The following PICALM variants were observed in gnomAD, a reference collection of about 807,000 sequenced individuals.
The protein encoded by PICALM is phosphatidylinositol-binding clathrin assembly protein.
PICALM carries 40 observed loss-of-function variants against 80.5 expected under a neutral mutation model. That is an observed-to-expected ratio of 0.50 (90% CI 0.39 to 0.65). The LOEUF (loss-of-function observed/expected upper bound fraction) is 0.65. PICALM is among the 30% of genes least tolerant of loss of function. The probability of loss-of-function intolerance (pLI) is 0.00; values close to 1 mark genes in which losing one functional copy is unlikely to be tolerated. For missense variants in PICALM, 676 were observed against 778.9 expected (o/e 0.87, Z 1.57); for synonymous variants, 288 against 260.3 (o/e 1.11, Z -1.02).
At chr11:86,031,059 A>G (rs1309601032) in intron 2 of PICALM, among the ~76,000 whole-genome samples, 1 of 152,214 alleles carries the variant, frequency 6.6e-6, no homozygotes, top group South Asian at 2.1e-4. Context: ...TTGAGGTAGC[A>G]GTGAGCTATG....
chr11:86,045,204 T>G (rs1455200374), intron 1 of PICALM, among the ~76,000 whole-genome samples: 1 of 152,138 alleles, frequency 6.6e-6, no homozygotes, highest in Non-Finnish European at 1.5e-5. Context: ...CCAGAGTTAT[T>G]TTTCCTAATA....
rs534097187 is a variant in PICALM, at chr11:85,965,856, G to A, written c.1945-6796C>T. Among the ~76,000 whole-genome samples the A allele has an allele frequency of 2.2e-4, 26 of 117,466 alleles. No homozygotes were observed. The South Asian group carries it at 4.0e-3, about 18-fold the overall frequency. 77.1% of individuals were successfully genotyped at this position (117,466 alleles called of 152,430 possible). A position where few individuals can be genotyped will look rare whatever the true frequency, so the allele number is the denominator to read the frequency against. ...TTTTTTTTGAGACAGACTCTCTGTC[G>A]CCCAGGCTGGAGTACAGTGGTGCGA... is the stretch of plus-strand genomic sequence containing the variant. On this transcript the variant is annotated intron_variant, in intron 19 of 19. Coordinates refer to ENST00000393346, the MANE Select transcript of PICALM (RefSeq NM_007166.4).
intron 12 of PICALM, 96 bp downstream of exon 12, chr11:85,996,730 G>C (rs1467948134): frequency 1.4e-6 from 1 of 737,530 alleles, no homozygotes; most frequent in South Asian, 1.7e-5. Flanking sequence ...AAGTTCTCAT[G>C]TATCAAGTGT....
At chr11:86,010,441 C>G (rs1290496743) in intron 7 of PICALM, among the ~76,000 whole-genome samples, 1 of 151,988 alleles carries the variant, frequency 6.6e-6, no homozygotes, top group Non-Finnish European at 1.5e-5. Context: ...ATTCTCCTGC[C>G]TCAGCCTCCT....
intron 11 of PICALM, among the ~76,000 whole-genome samples, chr11:85,998,090 A>G (rs1048534470): frequency 1.4e-5 from 2 of 145,984 alleles, no homozygotes; most frequent in Admixed American, 1.4e-4. Context: ...CTTACATGAT[A>G]TATTTCTACC....
At chr11:86,062,531 A>C (rs1375389304) in intron 1 of PICALM, among the ~76,000 whole-genome samples, 2 of 151,908 alleles carry the variant, frequency 1.3e-5, no homozygotes, top group Admixed American at 6.6e-5. Flanking sequence ...AAAAAAAAAA[A>C]CCCTAATGTA....
At chr11:86,020,321 A>C (rs1478356204) in intron 4 of PICALM, among the ~76,000 whole-genome samples, 2 of 151,652 alleles carry the variant, frequency 1.3e-5, no homozygotes, top group Admixed American at 1.3e-4. Context: ...ATTCAATGCA[A>C]TCCCCCACAA....
At chr11:86,062,246 G>T (rs867103591) in intron 1 of PICALM, among the ~76,000 whole-genome samples, 4 of 152,222 alleles carry the variant, frequency 2.6e-5, no homozygotes, top group Non-Finnish European at 5.9e-5. Flanking sequence ...GCCGGGCGCA[G>T]TGGCTCACGC....
At chr11:85,976,485 G>A in intron 18 of PICALM, 138 bp downstream of exon 18, 1 of 576,572 alleles carries the variant, frequency 1.7e-6, no homozygotes, top group South Asian at 2.2e-5. Flanking sequence ...TGAAACCAAT[G>A]CTATGGTTCT....
rs2093586984 is a variant in PICALM, at chr11:85,958,521, G to A, written c.*525C>T. 4.8e-6 allele frequency: 1 copy of A among 209,464 alleles called. No homozygotes were observed. Among genetic ancestry groups the A allele is most frequent in the South Asian group, 1.9e-4 (1 of 5,312 alleles). The allele number at this position is 209,464 out of a possible 1,614,324, so 13.0% of individuals were successfully genotyped here. A position where few individuals can be genotyped will look rare whatever the true frequency, so the allele number is the denominator to read the frequency against. On this transcript the variant is annotated 3_prime_UTR_variant, in exon 20 of 20. Transcript: ENST00000393346. Reference sequence around the variant, plus strand: ...AAATAAATACAAATACTTAAGGAATGTCTACTGCAAACTGAATATAATTTT... The same window carrying A: ...AAATAAATACAAATACTTAAGGAATATCTACTGCAAACTGAATATAATTTT...
chr11:86,009,805 T>C (rs2095360076), intron 7 of PICALM, among the ~76,000 whole-genome samples: 1 of 152,212 alleles, frequency 6.6e-6, no homozygotes, highest in South Asian at 2.1e-4. Flanking sequence ...AAGAATTTAC[T>C]AGAATCACAG....
chr11:86,001,517 G>T (rs2095144279), intron 9 of PICALM, among the ~76,000 whole-genome samples: 1 of 152,162 alleles, frequency 6.6e-6, no homozygotes. Context: ...AAAGTGTTGA[G>T]TTTATCACAG....
chr11:86,067,704 G>C (rs1406890761), intron 1 of PICALM, among the ~76,000 whole-genome samples: 1 of 152,042 alleles, frequency 6.6e-6, no homozygotes, highest in Non-Finnish European at 1.5e-5. Context: ...AATCCATTTG[G>C]AATTCCAACA....
chr11:85,990,432 A>T, intron 12 of PICALM, 33 bp from the exon 13 acceptor site: 1 of 1,413,966 alleles, frequency 7.1e-7, no homozygotes, highest in South Asian at 1.4e-5. Flanking sequence ...AGCAAAATGA[A>T]GAAAGGAAGT....
intron 1 of PICALM, among the ~76,000 whole-genome samples, chr11:86,042,660 C>CA (rs10648704): frequency 0.2 from 28,630 of 142,660 alleles, 3,021 homozygotes; most frequent in East Asian, 0.33. Flanking sequence ...TCAGGACTCT[C>CA]AAAAAAAAAA....
intron 4 of PICALM, among the ~76,000 whole-genome samples, chr11:86,019,826 C>T (rs571055050): frequency 1.3e-5 from 2 of 152,238 alleles, no homozygotes; most frequent in African/African-American, 4.8e-5. Context: ...TCACTTCAGT[C>T]CATTAATTTA....
intron 1 of PICALM, among the ~76,000 whole-genome samples, chr11:86,065,116 C>G (rs1306368883): frequency 6.6e-6 from 1 of 151,820 alleles, no homozygotes; most frequent in Admixed American, 6.6e-5. Context: ...ATTGTAAGAT[C>G]AGATAAAAAT....
upstream of PICALM, chr11:86,069,651 C>G (rs1459296697): frequency 1.3e-5 from 2 of 152,222 alleles, no homozygotes; most frequent in East Asian, 3.9e-4. Context: ...TCCAAACGGC[C>G]TATTTTCTGA....
rs143521600 is a variant in PICALM at position 86,044,957 on chromosome 11, T to C, written c.131-13346A>G. On this transcript the variant is annotated intron_variant, in intron 1 of 19. Transcript: ENST00000393346. ...AAACCACTCCTTGGTGCCAAAAAGGTTGGGGACCGTTGCTGTAAGCCACTG... is the reference window on the plus strand; with the variant it reads ...AAACCACTCCTTGGTGCCAAAAAGGCTGGGGACCGTTGCTGTAAGCCACTG... Among the ~76,000 whole-genome samples the C allele has an allele frequency of 3.1e-3, 476 of 152,214 alleles. 4 individuals carry two copies. The highest frequency in any genetic ancestry group is 0.01 in the South Asian group (50 of 4,824).
Sources: gnomAD v4.1 joint callset for allele counts (sites outside exome capture counted in the v4.1 genomes callset) on GRCh38, gnomAD v4.1.1 for gene constraint, MANE v1.5 for transcripts, NCBI Gene and HGNC (gene_info 2026-07-23, HGNC 2026-07-21) for gene names.